The following PHACTR1 variants were observed in gnomAD, a reference collection of about 807,000 sequenced individuals.
PHACTR1 encodes the protein RPEL repeat containing 1.
In PHACTR1, 16 loss-of-function variants were observed where a neutral mutation model predicts 69.2. The ratio of observed to expected loss-of-function variants is 0.23; its 90% CI spans 0.16 to 0.35. PHACTR1 has a LOEUF of 0.35. PHACTR1 is among the 10% of genes least tolerant of loss of function. PHACTR1 has a pLI of 1.00. For missense variants in PHACTR1, 510 were observed against 734.7 expected (o/e 0.69, Z 3.54); for synonymous variants, 312 against 284.5 (o/e 1.10, Z -0.97).
intron 7 of PHACTR1, among the ~76,000 whole-genome samples, chr6:13,194,289 G>A (rs1369074233): frequency 6.6e-6 from 1 of 151,918 alleles, no homozygotes; most frequent in Non-Finnish European, 1.5e-5. Context: ...TGTAGTCCCA[G>A]CTACTCAGGA....
At chr6:12,984,781 T>TC (rs1795934662) in intron 4 of PHACTR1, among the ~76,000 whole-genome samples, 1 of 151,684 alleles carries the variant, frequency 6.6e-6, no homozygotes, top group Admixed American at 6.6e-5. Context: ...GTTTGTTTCA[T>TC]AAGGAAAAAG....
Position 12,749,497 on chromosome 6 carries a change from T to C in PHACTR1, c.104-147T>C, listed in dbSNP as rs1215285667. 4.5e-6 allele frequency: 3 copies of C among 665,016 alleles called. No homozygotes were observed. In the African/African-American group the frequency reaches 5.5e-5, roughly 12 times the overall value. 41.2% of individuals were successfully genotyped at this position (665,016 alleles called of 1,614,324 possible). A position where few individuals can be genotyped will look rare whatever the true frequency, so the allele number is the denominator to read the frequency against. On this transcript the variant is annotated intron_variant, in intron 3 of 14. Coordinates refer to ENST00000332995, the MANE Select transcript of PHACTR1 (RefSeq NM_030948.6). ...TTTCTCTCTCCCTTTTTTTTCCTTT[T>C]TCCCTCTCTTTCCCACTCCCTCCCC...
At chr6:12,783,444 C>G (rs781156712) in intron 4 of PHACTR1, among the ~76,000 whole-genome samples, 1 of 152,134 alleles carries the variant, frequency 6.6e-6, no homozygotes, top group Non-Finnish European at 1.5e-5. Context: ...TTTCTTTGCT[C>G]TTTTGTGCAT....
rs779380205 is a variant in PHACTR1, at chr6:13,184,891, C to G, written c.664+2205C>G. On this transcript the variant is annotated intron_variant, in intron 7 of 14. Transcript: ENST00000332995. Reference sequence around the variant, plus strand: ...AGTCCTGCTACTGCCCCCCAAAAAACCTGCTGCTTTCCCTGGAGACCATGA... The same window carrying G: ...AGTCCTGCTACTGCCCCCCAAAAAAGCTGCTGCTTTCCCTGGAGACCATGA... 32 of 1,366,470 alleles carry G rather than the reference C, an allele frequency of 2.3e-5. 1 individual carries two copies. The South Asian group carries it at 3.5e-4, about 15-fold the overall frequency. The allele number at this position is 1,366,470 out of a possible 1,614,324, so 84.6% of individuals were successfully genotyped here.
chr6:12,902,823 T>C (rs1365550724), intron 4 of PHACTR1, among the ~76,000 whole-genome samples: 2 of 152,168 alleles, frequency 1.3e-5, no homozygotes, highest in East Asian at 3.9e-4. Context: ...GAACTATCCA[T>C]ATTTTGATAA....
At position 12,738,683 on chromosome 6, in the gene PHACTR1, T is replaced by C. The variant is rs1340931981; in HGVS notation, c.104-10961T>C. Among the ~76,000 whole-genome samples the C allele has an allele frequency of 2.6e-5, 4 of 152,152 alleles. No homozygotes were observed. In the East Asian group the frequency reaches 5.8e-4, roughly 22 times the overall value. On this transcript the variant is annotated intron_variant, in intron 3 of 14. Coordinates refer to ENST00000332995, the MANE Select transcript of PHACTR1 (RefSeq NM_030948.6). Reference sequence around the variant, plus strand: ...TTGGAGACCAGCCTGGCCAACATGGTGAAACCCTGTCTCTACCAAAAATAC... The same window carrying C: ...TTGGAGACCAGCCTGGCCAACATGGCGAAACCCTGTCTCTACCAAAAATAC...
At chr6:13,281,667 G>A (rs1353041694) in intron 12 of PHACTR1, 1 of 157,760 alleles carries the variant, frequency 6.3e-6, no homozygotes, top group Non-Finnish European at 1.4e-5. Context: ...TGTTTATCTG[G>A]AGTAAATATG....
chr6:13,003,269 A>T (rs1798305631), intron 4 of PHACTR1, among the ~76,000 whole-genome samples: 1 of 152,188 alleles, frequency 6.6e-6, no homozygotes, highest in South Asian at 2.1e-4. Context: ...AGAATGTTTC[A>T]TTCATTTTTT....
chr6:13,145,272 C>T (rs373690294), intron 5 of PHACTR1, among the ~76,000 whole-genome samples: 2 of 152,262 alleles, frequency 1.3e-5, no homozygotes, highest in East Asian at 3.9e-4. Context: ...ATGGGTATTA[C>T]CTTATCATAT....
intron 8 of PHACTR1, among the ~76,000 whole-genome samples, chr6:13,226,884 C>G (rs538368320): frequency 6.6e-6 from 1 of 151,890 alleles, no homozygotes; most frequent in East Asian, 1.9e-4. Context: ...ACTACAGGTG[C>G]GTGCCACCAC....
chr6:12,765,144 T>G (rs983562469), intron 4 of PHACTR1, among the ~76,000 whole-genome samples: 1 of 152,198 alleles, frequency 6.6e-6, no homozygotes, highest in Non-Finnish European at 1.5e-5. Context: ...AGAAGAAGGC[T>G]CAGTTTTGTT....
chr6:13,100,372 C>T (rs894214786), intron 5 of PHACTR1, among the ~76,000 whole-genome samples: 2 of 152,014 alleles, frequency 1.3e-5, no homozygotes, highest in African/African-American at 4.8e-5. Flanking sequence ...AAACCCCAAC[C>T]GTTAAACTTG....
intron 5 of PHACTR1, among the ~76,000 whole-genome samples, chr6:13,098,218 C>G (rs1814592584): frequency 6.6e-6 from 1 of 152,208 alleles, no homozygotes; most frequent in Admixed American, 6.5e-5. Flanking sequence ...TCCACACCCT[C>G]CATGTTGCTA....
intron 4 of PHACTR1, among the ~76,000 whole-genome samples, chr6:13,007,279 G>A (rs1798902001): frequency 6.6e-6 from 1 of 152,030 alleles, no homozygotes; most frequent in South Asian, 2.1e-4. Context: ...ATCTAGAAGT[G>A]TCTAAATCTG....
intron 8 of PHACTR1, among the ~76,000 whole-genome samples, chr6:13,215,112 A>C (rs1767467017): frequency 6.6e-6 from 1 of 152,250 alleles, no homozygotes; most frequent in South Asian, 2.1e-4. Context: ...CCCTGCAAAA[A>C]GAAAGGATGG....
At chr6:12,770,542 G>T (rs1369515410) in intron 4 of PHACTR1, among the ~76,000 whole-genome samples, 1 of 152,216 alleles carries the variant, frequency 6.6e-6, no homozygotes, top group Non-Finnish European at 1.5e-5. Flanking sequence ...GGAGCTTCAA[G>T]AGTTGAGGGG....
rs1761859135 is a variant in PHACTR1 at position 13,179,405 on chromosome 6, C to CGTGTGTGTGA, written c.497-3105_497-3104insAGTGTGTGTG. 7.0e-6 allele frequency among the ~76,000 whole-genome samples: 1 copy of CGTGTGTGTGA among 141,956 alleles called. No individual in the cohort carries two copies. Among genetic ancestry groups the CGTGTGTGTGA allele is most frequent in the Non-Finnish European group, 1.5e-5 (1 of 65,904 alleles). The allele number at this position is 141,956 out of a possible 152,430, so 93.1% of individuals were successfully genotyped here. ...TATACAGCCCATTACATTAATGTTT[C>CGTGTGTGTGA]GTGTGTGTGTGTGTGTGTGTGTGTG... On this transcript the variant is annotated intron_variant, in intron 6 of 14. Coordinates refer to ENST00000332995, the MANE Select transcript of PHACTR1 (RefSeq NM_030948.6). This position sits in a 1 kb window ranked among gnomAD's most constrained non-coding sequence, Gnocchi z 4.2.
At chr6:12,836,099 G>A (rs867903716) in intron 4 of PHACTR1, among the ~76,000 whole-genome samples, 6 of 151,984 alleles carry the variant, frequency 3.9e-5, no homozygotes, top group Admixed American at 6.6e-5. Flanking sequence ...ACTGAGTACC[G>A]AGGACTTTGT....
At chr6:13,030,435 A>C (rs992973776) in intron 4 of PHACTR1, among the ~76,000 whole-genome samples, 1 of 152,238 alleles carries the variant, frequency 6.6e-6, no homozygotes, top group African/African-American at 2.4e-5. Context: ...GAACATAAAA[A>C]AATTACTTAG....
Sources: allele counts gnomAD v4.1 joint callset (sites outside exome capture counted in the v4.1 genomes callset), GRCh38; gene constraint gnomAD v4.1.1; non-coding constraint Gnocchi (gnomAD v3.1); transcripts MANE v1.5; gene names NCBI Gene and HGNC (gene_info 2026-07-23, HGNC 2026-07-21).